GUCY1A2: variants seen among roughly 807,000 people sequenced by gnomAD.
The protein encoded by GUCY1A2 is guanylate cyclase 1 soluble subunit alpha 2, also known as guanylate cyclase soluble subunit alpha-2.
A neutral mutation model predicts 63.5 loss-of-function variants in GUCY1A2; 27 were observed. The ratio of observed to expected loss-of-function variants is 0.43; its 90% CI spans 0.31 to 0.59. The LOEUF (loss-of-function observed/expected upper bound fraction) is 0.59. GUCY1A2 is among the 20% of genes least tolerant of loss of function. The probability of loss-of-function intolerance (pLI) is 0.11; values close to 1 mark genes in which losing one functional copy is unlikely to be tolerated. For missense variants in GUCY1A2, 768 were observed against 913.3 expected (o/e 0.84, Z 2.05); for synonymous variants, 364 against 343.5 (o/e 1.06, Z -0.66).
At chr11:106,859,463 C>T (rs897995751) in intron 4 of GUCY1A2, among the ~76,000 whole-genome samples, 6 of 151,918 alleles carry the variant, frequency 3.9e-5, no homozygotes, top group Admixed American at 6.6e-5. Context: ...ATAGTGCCAA[C>T]GGAATTGTAC....
intron 5 of GUCY1A2, among the ~76,000 whole-genome samples, chr11:106,783,296 A>G (rs1368253027): frequency 2.0e-5 from 3 of 152,194 alleles, no homozygotes; most frequent in Admixed American, 1.3e-4. Context: ...AAGTCCGGAG[A>G]AGCCAAGATG....
Position 106,810,080 on chromosome 11 carries a change from G to A in GUCY1A2, c.1605C>T (p.Ala535=). The A allele has an allele frequency of 6.2e-7, 1 of 1,613,266 alleles. No individual in the cohort carries two copies. Residue 535 remains alanine, a synonymous_variant, in exon 5 of 8, where the codon GCC becomes GCT. Coordinates refer to ENST00000526355, the MANE Select transcript of GUCY1A2 (RefSeq NM_000855.3). The stretch of plus-strand genomic sequence containing the variant: ...TGATTACTTGCATGGGAGTACACTG[G>A]GCACATATGGCTGTGAAGCCAACAA... The part of the protein sequence containing the change: ...SDIVGFTAIC[A]QCTPMQVISM...
intron 5 of GUCY1A2, among the ~76,000 whole-genome samples, chr11:106,807,180 A>C (rs990562226): frequency 1.3e-5 from 2 of 152,072 alleles, no homozygotes; most frequent in Admixed American, 1.3e-4. Context: ...AATCTAGCAA[A>C]ACTCTTTTCA....
Position 106,948,153 on chromosome 11 carries a change from T to C in GUCY1A2, c.488-7975A>G, listed in dbSNP as rs1860855883. 2.0e-5 allele frequency among the ~76,000 whole-genome samples: 3 copies of C among 152,132 alleles called. No individual in the cohort carries two copies. In the South Asian group the frequency reaches 6.2e-4, roughly 31 times the overall value. On this transcript the variant is annotated intron_variant, in intron 3 of 7. Transcript: ENST00000526355. ...GCTAGCAATTAGGAAAAAAACTAGA[T>C]GACTGCAAAGTTTTTAAAATATTTT...
intron 4 of GUCY1A2, among the ~76,000 whole-genome samples, chr11:106,916,253 T>G (rs1860368440): frequency 6.9e-6 from 1 of 145,586 alleles, no homozygotes; most frequent in Admixed American, 6.8e-5. Context: ...TCCTGTCTAT[T>G]AGTTGTTCAG....
Position 106,705,684 on chromosome 11 carries a change from C to T in GUCY1A2, c.1991+2828G>A, listed in dbSNP as rs1197874684. On this transcript the variant is annotated intron_variant, in intron 7 of 7. Transcript: ENST00000526355. ...GACCATCCTGGCTAAAAAGATGAAACCCCGTCTCTACTAAAAATACAAAAA... is the reference window on the plus strand; with the variant it reads ...GACCATCCTGGCTAAAAAGATGAAATCCCGTCTCTACTAAAAATACAAAAA... Among the ~76,000 whole-genome samples, 4 of 152,080 alleles carry T rather than the reference C, an allele frequency of 2.6e-5. No individual in the cohort carries two copies. In the East Asian group the frequency reaches 7.8e-4, roughly 29 times the overall value.
chr11:106,872,782 GTTC>G (rs1565316355), intron 4 of GUCY1A2, among the ~76,000 whole-genome samples: 1 of 152,030 alleles, frequency 6.6e-6, no homozygotes, highest in East Asian at 1.9e-4. Context: ...CACAAAAGCT[GTTC>G]TTTTTTTTCT....
chr11:106,701,367 C>T (rs1194175527), intron 7 of GUCY1A2, among the ~76,000 whole-genome samples: 2 of 151,984 alleles, frequency 1.3e-5, no homozygotes, highest in African/African-American at 2.4e-5. Flanking sequence ...GAAATAATAT[C>T]CTTCCTTTTT....
At chr11:106,960,395 TTG>T (rs1861043825) in intron 3 of GUCY1A2, among the ~76,000 whole-genome samples, 1 of 152,172 alleles carries the variant, frequency 6.6e-6, no homozygotes, top group South Asian at 2.1e-4. Flanking sequence ...TTCTGTATTG[TTG>T]TGTTTTTGAT....
At chr11:106,935,005 T>C (rs745765017) in intron 4 of GUCY1A2, among the ~76,000 whole-genome samples, 1 of 152,214 alleles carries the variant, frequency 6.6e-6, no homozygotes, top group Non-Finnish European at 1.5e-5. Context: ...GAAAACTCGA[T>C]TCCAAACCTT....
At chr11:106,709,486 TTATATA>T (rs375417308) in intron 6 of GUCY1A2, among the ~76,000 whole-genome samples, 8 of 83,338 alleles carry the variant, frequency 9.6e-5, no homozygotes, top group African/African-American at 3.8e-4. Context: ...TATTATATAT[TTATATA>T]TATATAATAA....
intron 4 of GUCY1A2, among the ~76,000 whole-genome samples, chr11:106,928,154 C>G (rs1860553409): frequency 1.3e-5 from 2 of 152,014 alleles, no homozygotes; most frequent in Non-Finnish European, 2.9e-5. Flanking sequence ...TATGAGTTCT[C>G]CATATATGTT....
chr11:106,821,174 A>G (rs1305390978), intron 4 of GUCY1A2, among the ~76,000 whole-genome samples: 1 of 152,202 alleles, frequency 6.6e-6, no homozygotes, highest in African/African-American at 2.4e-5. Context: ...GAAGAACATC[A>G]ACAAATATTT....
At chr11:107,013,498 G>A (rs1175372586) in intron 1 of GUCY1A2, among the ~76,000 whole-genome samples, 2 of 152,196 alleles carry the variant, frequency 1.3e-5, no homozygotes, top group Non-Finnish European at 2.9e-5. Flanking sequence ...AATAAAGAAT[G>A]TAATAAATGA....
At chr11:106,891,121 T>C (rs1398204487) in intron 4 of GUCY1A2, among the ~76,000 whole-genome samples, 2 of 145,134 alleles carry the variant, frequency 1.4e-5, no homozygotes, top group African/African-American at 5.7e-5. Context: ...AATTTGCTCC[T>C]TATCCTTGCT....
chr11:106,982,183 T>C (rs542825449), intron 2 of GUCY1A2, among the ~76,000 whole-genome samples: 118 of 152,300 alleles, frequency 7.7e-4, no homozygotes, highest in African/African-American at 2.7e-3. Context: ...AAGTTTCATA[T>C]GTCTACTTAC....
At chr11:106,784,106 C>T (rs1293171716) in intron 5 of GUCY1A2, among the ~76,000 whole-genome samples, 1 of 152,100 alleles carries the variant, frequency 6.6e-6, no homozygotes, top group East Asian at 1.9e-4. Flanking sequence ...ATCAACTCTT[C>T]TTCAACCTAC....
At chr11:106,696,183 C>T (rs1244369901) in intron 7 of GUCY1A2, among the ~76,000 whole-genome samples, 1 of 152,130 alleles carries the variant, frequency 6.6e-6, no homozygotes, top group Non-Finnish European at 1.5e-5. Flanking sequence ...ATCATTCTAC[C>T]CCATTGACTT....
At chr11:106,822,478 G>A (rs961893619) in intron 4 of GUCY1A2, among the ~76,000 whole-genome samples, 2 of 152,106 alleles carry the variant, frequency 1.3e-5, no homozygotes, top group African/African-American at 2.4e-5. Context: ...AGACAGCATA[G>A]TACCCAACAG....
Sources: gnomAD v4.1 joint callset for allele counts (sites outside exome capture counted in the v4.1 genomes callset) on GRCh38, gnomAD v4.1.1 for gene constraint, MANE v1.5 for transcripts, NCBI Gene and HGNC (gene_info 2026-07-23, HGNC 2026-07-21) for gene names.